The following DGLUCY variants were observed in gnomAD, a reference collection of about 807,000 sequenced individuals.
DGLUCY encodes the protein D-glutamate cyclase, mitochondrial.
In DGLUCY, 58 loss-of-function variants were observed where a neutral mutation model predicts 58.5. The ratio of observed to expected loss-of-function variants is 0.99; its 90% CI spans 0.80 to 1.23. The LOEUF is 1.23. Ranked by LOEUF, DGLUCY falls within the 50% of genes most tolerant of loss-of-function variation. The probability of loss-of-function intolerance (pLI) is 0.00; values close to 1 mark genes in which losing one functional copy is unlikely to be tolerated. For missense variants in DGLUCY, 779 were observed against 784.7 expected (o/e 0.99, Z 0.09); for synonymous variants, 325 against 314.1 (o/e 1.03, Z -0.37).
At chr14:91,187,472 A>G (rs1348171192) in intron 8 of DGLUCY, among the ~76,000 whole-genome samples, 3 of 152,214 alleles carry the variant, frequency 2.0e-5, no homozygotes, top group African/African-American at 4.8e-5. Context: ...CAAAGGCACA[A>G]TGGGACCTCA....
chr14:91,223,792 G>C, intron 13 of DGLUCY: 2 of 1,029,972 alleles, frequency 1.9e-6, no homozygotes, highest in Non-Finnish European at 2.6e-6. Context: ...TAAGTGCTTT[G>C]CTTGTACGTA....
At chr14:91,111,431 C>T (rs753153105), upstream of DGLUCY, among the ~76,000 whole-genome samples, 2 of 151,936 alleles carry the variant, frequency 1.3e-5, no homozygotes, top group Non-Finnish European at 2.9e-5. Flanking sequence ...TACAAGCGCA[C>T]ACTACCACAC....
At chr14:91,097,260 G>A (rs115145896) in intron 1 of DGLUCY, among the ~76,000 whole-genome samples, 1,951 of 152,262 alleles carry the variant, frequency 0.013, 42 homozygotes, top group African/African-American at 0.044. Context: ...TTAGCTGGGT[G>A]TGACACGTGC....
At chr14:91,107,821 G>A (rs535272271), upstream of DGLUCY, among the ~76,000 whole-genome samples, 9 of 152,284 alleles carry the variant, frequency 5.9e-5, no homozygotes, top group Admixed American at 1.3e-4. Context: ...AGGAGCTGGC[G>A]GGGGTGGGAG....
intron 1 of DGLUCY, among the ~76,000 whole-genome samples, chr14:91,079,865 G>A (rs934103061): frequency 2.0e-5 from 3 of 152,064 alleles, no homozygotes; most frequent in African/African-American, 7.2e-5. Context: ...GTACTATTCA[G>A]TAGCATTAAA....
intron 1 of DGLUCY, among the ~76,000 whole-genome samples, chr14:91,086,329 G>A (rs1305597963): frequency 6.6e-6 from 1 of 152,086 alleles, no homozygotes; most frequent in Admixed American, 6.5e-5. Flanking sequence ...CCGACCCCCT[G>A]CCTGGTCCAT....
At chr14:91,114,501 G>C (rs1195089334) in intron 1 of DGLUCY, 2 of 152,286 alleles carry the variant, frequency 1.3e-5, no homozygotes, top group African/African-American at 2.4e-5. Flanking sequence ...GTTCAAGCCA[G>C]ATAGCACCTG....
At chr14:91,222,179 T>A (rs955386009) in intron 13 of DGLUCY, among the ~76,000 whole-genome samples, 1 of 152,220 alleles carries the variant, frequency 6.6e-6, no homozygotes, top group Non-Finnish European at 1.5e-5. Context: ...CCTCTGCCTC[T>A]TAGAAGATGG....
intron 1 of DGLUCY, among the ~76,000 whole-genome samples, chr14:91,118,611 G>A (rs1412433791): frequency 6.6e-6 from 1 of 152,116 alleles, no homozygotes; most frequent in Non-Finnish European, 1.5e-5. Context: ...TCTTTTATCT[G>A]TCTTAAGATC....
intron 13 of DGLUCY, chr14:91,220,725 C>T (rs1281881097): frequency 4.4e-6 from 2 of 450,860 alleles, no homozygotes; most frequent in Non-Finnish European, 9.0e-6. Context: ...TATACCAGCC[C>T]CATCTTGCTC....
At chr14:91,129,123 A>G (rs1236455464) in intron 1 of DGLUCY, among the ~76,000 whole-genome samples, 3 of 151,690 alleles carry the variant, frequency 2.0e-5, no homozygotes, top group East Asian at 1.9e-4. Context: ...ATCCTTAGCC[A>G]TCATCTACAC....
chr14:91,207,022 G>A (rs992919058), intron 12 of DGLUCY, among the ~76,000 whole-genome samples: 1 of 151,926 alleles, frequency 6.6e-6, no homozygotes, highest in Admixed American at 6.6e-5. Flanking sequence ...GCCAGGTGTC[G>A]TGGTGCATAC....
At position 91,157,247 on chromosome 14, in the gene DGLUCY, ATGGATGGATGAATGAATGGG is replaced by A. The variant is rs1269981286; in HGVS notation, c.-81-381_-81-362del. On this transcript the variant is annotated intron_variant, in intron 1 of 13. Coordinates refer to ENST00000256324, the MANE Select transcript of DGLUCY (RefSeq NM_001102368.3). ...GATGGATGGGTGGATGGATGGATGG[ATGGATGGATGAATGAATGGG>A]TGGATGGATGGATGGGTGGGTGGAT... 2.6e-5 allele frequency among the ~76,000 whole-genome samples: 3 copies of A among 117,584 alleles called. No homozygotes were observed. The East Asian group carries it at 7.8e-4, about 30-fold the overall frequency. 77.1% of individuals were successfully genotyped at this position (117,584 alleles called of 152,430 possible). A position where few individuals can be genotyped will look rare whatever the true frequency, so the allele number is the denominator to read the frequency against.
At chr14:91,196,117 C>T (rs989010775) in intron 9 of DGLUCY, among the ~76,000 whole-genome samples, 2 of 152,186 alleles carry the variant, frequency 1.3e-5, no homozygotes, top group African/African-American at 4.8e-5. Context: ...TTATGGGCAT[C>T]TTACATGCAG....
At chr14:91,220,213 C>T (rs1399446952) in intron 13 of DGLUCY, among the ~76,000 whole-genome samples, 1 of 152,236 alleles carries the variant, frequency 6.6e-6, no homozygotes, top group African/African-American at 2.4e-5. Context: ...TGGCTCCGCC[C>T]ACTTCAGCCT....
intron 1 of DGLUCY, among the ~76,000 whole-genome samples, chr14:91,089,349 G>C (rs1192473012): frequency 1.3e-5 from 2 of 152,228 alleles, no homozygotes; most frequent in Non-Finnish European, 2.9e-5. Flanking sequence ...GAAAGAAGCA[G>C]GAGAGACGGT....
At position 91,215,527 on chromosome 14, in the gene DGLUCY, T is replaced by A. The variant is rs759704450; in HGVS notation, c.1687T>A (p.Trp563Arg). The A allele has an allele frequency of 6.2e-7, 1 of 1,614,006 alleles. No homozygotes were observed. Among genetic ancestry groups the A allele is most frequent in the Non-Finnish European group, 8.5e-7 (1 of 1,179,842 alleles). The change falls in exon 13 of 14, where the codon TGG becomes AGG. Residue 563 changes from tryptophan to arginine, a missense_variant. Transcript: ENST00000256324. ...CTCCAGGGCACCTGGAGATCAGGCCTGGACTCAGGCCCTCCCGTCGGTCAT... is the reference window on the plus strand; with the variant it reads ...CTCCAGGGCACCTGGAGATCAGGCCAGGACTCAGGCCCTCCCGTCGGTCAT... The part of the protein sequence containing the change: ...GPSRAPGDQA[W>R]TQALPSVIKE...
At chr14:91,128,807 G>A (rs1233529307) in intron 1 of DGLUCY, 1 of 151,994 alleles carries the variant, frequency 6.6e-6, no homozygotes, top group Non-Finnish European at 1.5e-5. Flanking sequence ...GAATGGACTC[G>A]CTTGGGACCT....
chr14:91,179,496 A>C (rs2049036497), intron 7 of DGLUCY, among the ~76,000 whole-genome samples: 1 of 152,108 alleles, frequency 6.6e-6, no homozygotes, highest in Non-Finnish European at 1.5e-5. Context: ...TCACGCCTGT[A>C]ATCCCAGCAC....
Sources: allele counts gnomAD v4.1 joint callset (sites outside exome capture counted in the v4.1 genomes callset), GRCh38; gene constraint gnomAD v4.1.1; transcripts MANE v1.5; gene names NCBI Gene and HGNC (gene_info 2026-07-23, HGNC 2026-07-21).